The following BRIP1 variants were observed in gnomAD, a reference collection of about 807,000 sequenced individuals.
BRIP1 encodes the protein Fanconi anemia group J protein.
Under a neutral mutation model 119.7 loss-of-function variants are expected in BRIP1, and 88 were observed. The ratio of observed to expected loss-of-function variants is 0.74; its 90% confidence interval spans 0.62 to 0.88. The LOEUF (loss-of-function observed/expected upper bound fraction) is 0.88, where lower values mean the gene tolerates loss of function less well. Ranked by LOEUF, BRIP1 falls within the 40% of genes least tolerant of loss-of-function variation. The probability of loss-of-function intolerance (pLI) is 0.00; values close to 1 mark genes in which losing one functional copy is unlikely to be tolerated. For missense variants in BRIP1, 1,259 were observed against 1,455.4 expected (o/e 0.87, Z 2.20); for synonymous variants, 443 against 496.5 (o/e 0.89, Z 1.43).
chr17:61,783,620 C>T (rs1603336727), intron 11 of BRIP1, among the ~76,000 whole-genome samples: 1 of 151,578 alleles, frequency 6.6e-6, no homozygotes, highest in African/African-American at 2.4e-5. Flanking sequence ...ATTTAAGTTA[C>T]AGGATGAGAG....
chr17:61,805,787 T>C lies in BRIP1; in HGVS notation c.918+2680A>G, dbSNP rs2078065358. ...TAATAGGACATTCACCATTTCTTCA[T>C]TCCAAGCTTCTTCCATACAATTCTG... is the stretch of plus-strand genomic sequence containing the variant. On this transcript the variant is annotated intron_variant, in intron 7 of 19. Transcript: ENST00000259008. The surrounding 1 kb of genome is among the most constrained non-coding windows in gnomAD (Gnocchi z 5.6). 6.6e-6 allele frequency among the ~76,000 whole-genome samples: 1 copy of C among 152,172 alleles called. No homozygotes were observed. The highest frequency in any genetic ancestry group is 1.5e-5 in the Non-Finnish European group (1 of 68,030).
chr17:61,743,310 A>G lies in BRIP1; in HGVS notation c.2258-176T>C, dbSNP rs1200375551. ...TCAATGTCTTTAAGTAAATAAGGGG[A>G]ACAAAATTACATTTATATGCAAAAG... On this transcript the variant is annotated intron_variant, in intron 15 of 19. Transcript: ENST00000259008. The surrounding 1 kb of genome is among the most constrained non-coding windows in gnomAD (Gnocchi z 4.3). 6.6e-6 allele frequency among the ~76,000 whole-genome samples: 1 copy of G among 152,224 alleles called. No individual in the cohort carries two copies. The highest frequency in any genetic ancestry group is 1.5e-5 in the Non-Finnish European group (1 of 68,034).
chr17:61,749,009 C>T (rs969293808), intron 14 of BRIP1, among the ~76,000 whole-genome samples: 62 of 151,728 alleles, frequency 4.1e-4, no homozygotes, highest in East Asian at 5.8e-4. Flanking sequence ...TGGTGGCGCA[C>T]GCCTGTAGTC....
At chr17:61,765,382 TATATATATATATATATATATATA>T (rs2077342034) in intron 14 of BRIP1, among the ~76,000 whole-genome samples, 24 of 18,320 alleles carry the variant, frequency 1.3e-3, no homozygotes, top group Admixed American at 2.2e-3. Context: ...GTATATATTA[TATATATATATATATATATATATA>T]TATATATATA....
rs763162379 is a variant in BRIP1, at chr17:61,683,950, A to C, written c.3096T>G (p.Ser1032Arg). The change falls in exon 20 of 20, where the codon AGT becomes AGG. Residue 1032 changes from serine (S) to arginine (R), a missense_variant. Ser to Arg is a moderately radical substitution (Grantham distance 110). Coordinates refer to ENST00000259008, the MANE Select transcript of BRIP1 (RefSeq NM_032043.3). This position sits in a 1 kb window ranked among gnomAD's most constrained non-coding sequence, Gnocchi z 4.7. Reference protein sequence around the residue: ...ELGSSENSASSPPRFKTEKME... With the variant: ...ELGSSENSASRPPRFKTEKME... The stretch of plus-strand genomic sequence containing the variant: ...TCTTCTCTGTTTTGAAACGGGGAGG[A>C]CTAGAGGCACTATTCTCTGATGACC... 4 of 1,614,048 alleles carry C rather than the reference A, an allele frequency of 2.5e-6. No homozygotes were observed. The highest frequency in any genetic ancestry group is 3.4e-6 in the Non-Finnish European group (4 of 1,180,022).
intron 6 of BRIP1, among the ~76,000 whole-genome samples, chr17:61,837,674 T>C (rs1239633129): frequency 1.3e-5 from 2 of 152,104 alleles, no homozygotes; most frequent in Admixed American, 6.5e-5. Flanking sequence ...TAGAACAAAG[T>C]AATATCAAAA....
intron 19 of BRIP1, chr17:61,685,106 G>T (rs1196060166): frequency 6.6e-6 from 1 of 152,226 alleles, no homozygotes; most frequent in Non-Finnish European, 1.5e-5. Context: ...TTTAGGCTTT[G>T]TGGAGCATAA....
intron 6 of BRIP1, among the ~76,000 whole-genome samples, chr17:61,826,950 T>C (rs1481296152): frequency 6.6e-6 from 1 of 152,168 alleles, no homozygotes; most frequent in Non-Finnish European, 1.5e-5. Context: ...TAAATTGTTC[T>C]ATTATAAAGA....
Position 61,828,158 on chromosome 17 carries a change from G to A in BRIP1, c.627+18943C>T, listed in dbSNP as rs1212365056. On this transcript the variant is annotated intron_variant, in intron 6 of 19. Coordinates refer to ENST00000259008, the MANE Select transcript of BRIP1 (RefSeq NM_032043.3). The surrounding 1 kb of genome is among the most constrained non-coding windows in gnomAD (Gnocchi z 4.1). ...GCAAAAAGATGGAAACAACCCAGAT[G>A]TCCACTGGCAGATGAACGGACAAAC... 6.6e-6 allele frequency among the ~76,000 whole-genome samples: 1 copy of A among 152,158 alleles called. No individual in the cohort carries two copies. The highest frequency in any genetic ancestry group is 1.9e-4 in the East Asian group (1 of 5,200).
intron 4 of BRIP1, among the ~76,000 whole-genome samples, chr17:61,849,796 A>G (rs2078790727): frequency 6.6e-6 from 1 of 152,214 alleles, no homozygotes; most frequent in Non-Finnish European, 1.5e-5. Flanking sequence ...AAAGTCTAGT[A>G]GCTTGCCCAG....
Position 61,853,387 on chromosome 17 carries a change from C to CT in BRIP1, c.379+3670dup, listed in dbSNP as rs199794796. Among the ~76,000 whole-genome samples, 9,835 of 105,546 alleles carry CT rather than the reference C, an allele frequency of 0.093. 561 individuals carry two copies. The highest frequency in any genetic ancestry group is 0.49 in the East Asian group (1,187 of 2,418). 69.2% of individuals were successfully genotyped at this position (105,546 alleles called of 152,430 possible). ...TCTGGGGTGTTGGTAATGTCTCTCT[C>CT]TTTTTTTTTTAATCTATGTAGTAGT... On this transcript the variant is annotated intron_variant, in intron 4 of 19. Transcript: ENST00000259008. The surrounding 1 kb of genome is among the most constrained non-coding windows in gnomAD (Gnocchi z 4.3).
At position 61,848,180 on chromosome 17, in the gene BRIP1, ATTTAT is replaced by A. The variant is rs147381300; in HGVS notation, c.507+944_507+948del. Among the ~76,000 whole-genome samples the A allele has an allele frequency of 0.19, 28,131 of 151,920 alleles. 2,991 individuals are homozygous for A. Among genetic ancestry groups the A allele is most frequent in the Admixed American group, 0.3 (4,563 of 15,266 alleles). ...AATAATTTTTTTATTTTATGTTTTT[ATTTAT>A]TTATTTTTTAGAGACAGGGTCTTGC... On this transcript the variant is annotated intron_variant, in intron 5 of 19. Transcript: ENST00000259008. The surrounding 1 kb of genome is among the most constrained non-coding windows in gnomAD (Gnocchi z 4.3).
chr17:61,692,519 A>G (rs1367682675), intron 18 of BRIP1, among the ~76,000 whole-genome samples: 1 of 152,178 alleles, frequency 6.6e-6, no homozygotes, highest in Non-Finnish European at 1.5e-5. Context: ...TATGCAAAGA[A>G]ATCCAAATAA....
chr17:61,837,153 C>T (rs534713616), intron 6 of BRIP1, among the ~76,000 whole-genome samples: 30 of 152,274 alleles, frequency 2.0e-4, no homozygotes, highest in Non-Finnish European at 3.7e-4. Flanking sequence ...CTCACATGAA[C>T]CTGTATTTGC....
Position 61,693,739 on chromosome 17 carries a change from A to G in BRIP1, c.2493-227T>C, listed in dbSNP as rs932576265. Among the ~76,000 whole-genome samples the G allele has an allele frequency of 7.9e-5, 12 of 152,138 alleles. No individual in the cohort carries two copies. Among genetic ancestry groups the G allele is most frequent in the Non-Finnish European group, 1.5e-4 (10 of 67,990 alleles). ...AGATAACTTGCATCCAAAATGTTGTATTTTATTTTGCACTCAAGAAAATTA... is the reference window on the plus strand; with the variant it reads ...AGATAACTTGCATCCAAAATGTTGTGTTTTATTTTGCACTCAAGAAAATTA... On this transcript the variant is annotated intron_variant, in intron 17 of 19. Transcript: ENST00000259008. The surrounding 1 kb of genome is among the most constrained non-coding windows in gnomAD (Gnocchi z 4.2).
Position 61,805,212 on chromosome 17 carries a change from TA to T in BRIP1, c.918+3254del. Among the ~76,000 whole-genome samples the T allele has an allele frequency of 6.6e-6, 1 of 152,106 alleles. No homozygotes were observed. The highest frequency in any genetic ancestry group is 1.9e-4 in the East Asian group (1 of 5,194). On this transcript the variant is annotated intron_variant, in intron 7 of 19. Transcript: ENST00000259008. The surrounding 1 kb of genome is among the most constrained non-coding windows in gnomAD (Gnocchi z 5.6). Reference sequence around the variant, plus strand: ...AACAAAGTAAACCATAAGAGATTCATAACCTATAAAAGAATGTCAGCAAATC... The same window carrying T: ...AACAAAGTAAACCATAAGAGATTCATACCTATAAAAGAATGTCAGCAAATC...
At chr17:61,763,628 A>G (rs1468492117) in intron 14 of BRIP1, among the ~76,000 whole-genome samples, 1 of 152,142 alleles carries the variant, frequency 6.6e-6, no homozygotes, top group Non-Finnish European at 1.5e-5. Context: ...TTCATTCACC[A>G]TGTCCTGTAG....
At chr17:61,697,737 T>C (rs1056145819) in intron 17 of BRIP1, among the ~76,000 whole-genome samples, 2 of 152,100 alleles carry the variant, frequency 1.3e-5, no homozygotes. Flanking sequence ...CTTTTTTTTT[T>C]CCTAATTCCT....
rs1322162359 is a variant in BRIP1 at position 61,801,250 on chromosome 17, C to T, written c.1140+3G>A. 2 of 1,607,188 alleles carry T rather than the reference C, an allele frequency of 1.2e-6. No homozygotes were observed. Among genetic ancestry groups the T allele is most frequent in the Admixed American group, 1.7e-5 (1 of 59,986 alleles). On this transcript the variant is annotated splice_donor_region_variant and intron_variant, in intron 8 of 19. Transcript: ENST00000259008. ...AGGTTCTCATTTTTACACATATACT[C>T]ACACTTTCCCTTATTTGTGCATCTA...
Sources: allele counts gnomAD v4.1 joint callset (sites outside exome capture counted in the v4.1 genomes callset), GRCh38; gene constraint gnomAD v4.1.1; non-coding constraint Gnocchi (gnomAD v3.1); transcripts MANE v1.5; gene names NCBI Gene and HGNC (gene_info 2026-07-23, HGNC 2026-07-21).